The following THSD7B variants were observed in gnomAD, a reference collection of about 807,000 sequenced individuals.
THSD7B encodes thrombospondin type-1 domain-containing protein 7B.
In THSD7B, 138 loss-of-function variants were observed where a neutral mutation model predicts 213.6. That is an observed-to-expected ratio of 0.65 (90% CI 0.56 to 0.74). The LOEUF is 0.74. Ranked by LOEUF, THSD7B falls within the 30% of genes least tolerant of loss-of-function variation. The probability of loss-of-function intolerance (pLI) is 0.00; values close to 1 mark genes in which losing one functional copy is unlikely to be tolerated. For missense variants in THSD7B, 1,931 were observed against 1,991.5 expected (o/e 0.97, Z 0.58); for synonymous variants, 742 against 687.0 (o/e 1.08, Z -1.25).
At chr2:137,182,597 A>G (rs983684591) in intron 7 of THSD7B, among the ~76,000 whole-genome samples, 1 of 152,178 alleles carries the variant, frequency 6.6e-6, no homozygotes, top group Non-Finnish European at 1.5e-5. Flanking sequence ...GAGAATCCGT[A>G]GGAGTAACAC....
At chr2:136,780,467 G>A (rs369228098) in intron 1 of THSD7B, among the ~76,000 whole-genome samples, 11 of 152,270 alleles carry the variant, frequency 7.2e-5, no homozygotes, top group Middle Eastern at 3.4e-3. Flanking sequence ...CTCTGTGTGC[G>A]TGTGCATGTA....
At chr2:136,770,645 C>G (rs1681488004) in intron 1 of THSD7B, among the ~76,000 whole-genome samples, 1 of 152,186 alleles carries the variant, frequency 6.6e-6, no homozygotes, top group Non-Finnish European at 1.5e-5. Flanking sequence ...TTACCTAAGG[C>G]TGTTCTGATT....
chr2:136,858,572 C>T (rs1483867163), intron 1 of THSD7B, among the ~76,000 whole-genome samples: 8 of 152,192 alleles, frequency 5.3e-5, no homozygotes, highest in African/African-American at 1.4e-4. Context: ...ACAGTAGCTT[C>T]TGCCAATACC....
At chr2:137,233,176 T>C (rs1173704638) in intron 9 of THSD7B, 43 bp downstream of exon 9, 9 of 1,536,304 alleles carry the variant, frequency 5.9e-6, no homozygotes, top group African/African-American at 1.4e-5. Flanking sequence ...GCTTATTTCA[T>C]GTTGAGTATT....
At chr2:137,182,593 C>A (rs1680475830) in intron 7 of THSD7B, among the ~76,000 whole-genome samples, 1 of 152,144 alleles carries the variant, frequency 6.6e-6, no homozygotes, top group Admixed American at 6.6e-5. Flanking sequence ...GTATGAGAAT[C>A]CGTAGGAGTA....
chr2:137,160,170 G>A (rs1257776666), intron 5 of THSD7B, 43 bp from the exon 6 acceptor site: 6 of 1,581,798 alleles, frequency 3.8e-6, no homozygotes, highest in Non-Finnish European at 5.2e-6. Flanking sequence ...TGCTAAGGAT[G>A]TCCAGAGAAT....
chr2:137,427,560 C>T (rs931535653), intron 14 of THSD7B, among the ~76,000 whole-genome samples: 3 of 151,862 alleles, frequency 2.0e-5, no homozygotes, highest in Admixed American at 6.6e-5. Context: ...TGAACCTTGA[C>T]GTTAGGCTAA....
intron 12 of THSD7B, among the ~76,000 whole-genome samples, chr2:137,362,996 C>T (rs1273371104): frequency 1.3e-5 from 2 of 152,200 alleles, no homozygotes; most frequent in African/African-American, 4.8e-5. Context: ...GTAAAGCACT[C>T]CTCAGCAAAT....
intron 1 of THSD7B, among the ~76,000 whole-genome samples, chr2:136,828,730 T>C (rs889018347): frequency 6.6e-6 from 1 of 152,242 alleles, no homozygotes; most frequent in Non-Finnish European, 1.5e-5. Context: ...GCAATATTCT[T>C]GCCTCGTTTG....
At chr2:137,428,001 TA>T (rs1205594217) in intron 14 of THSD7B, among the ~76,000 whole-genome samples, 1 of 152,072 alleles carries the variant, frequency 6.6e-6, no homozygotes, top group African/African-American at 2.4e-5. Flanking sequence ...CTGAAAAAAA[TA>T]ATGTATAAGG....
intron 15 of THSD7B, among the ~76,000 whole-genome samples, chr2:137,515,714 T>G (rs1225011254): frequency 1.3e-5 from 2 of 151,302 alleles, no homozygotes; most frequent in Admixed American, 1.3e-4. Flanking sequence ...AAAAAGTTTC[T>G]AATAATTTAT....
intron 2 of THSD7B, among the ~76,000 whole-genome samples, chr2:136,955,491 A>T (rs1685109072): frequency 1.3e-5 from 2 of 152,226 alleles, no homozygotes; most frequent in Non-Finnish European, 2.9e-5. Context: ...TCTGAGAGTA[A>T]CAGATATGCC....
chr2:137,128,665 C>T (rs915698236), intron 5 of THSD7B, among the ~76,000 whole-genome samples: 6 of 152,164 alleles, frequency 3.9e-5, no homozygotes, highest in South Asian at 2.1e-4. Context: ...GCCTAGGGCC[C>T]GTGCCTTAAA....
intron 12 of THSD7B, among the ~76,000 whole-genome samples, chr2:137,291,410 C>G (rs555416478): frequency 3.4e-4 from 51 of 152,140 alleles, no homozygotes; most frequent in Admixed American, 1.2e-3. Context: ...CCCCAGTGCC[C>G]CAAATAGTCA....
chr2:137,441,183 G>A (rs1687402101), intron 14 of THSD7B, among the ~76,000 whole-genome samples: 1 of 152,080 alleles, frequency 6.6e-6, no homozygotes, highest in Non-Finnish European at 1.5e-5. Flanking sequence ...TAAGGGCAAA[G>A]CATTTGCCAC....
At chr2:136,912,819 G>A (rs150002847) in intron 2 of THSD7B, among the ~76,000 whole-genome samples, 142 of 152,312 alleles carry the variant, frequency 9.3e-4, no homozygotes, top group African/African-American at 3.3e-3. Context: ...ATGTGGAACA[G>A]TAAGTCCAAT....
At chr2:137,361,082 C>T (rs1685246261) in intron 12 of THSD7B, among the ~76,000 whole-genome samples, 1 of 152,182 alleles carries the variant, frequency 6.6e-6, no homozygotes, top group Non-Finnish European at 1.5e-5. Flanking sequence ...GATACCCAGG[C>T]ACACAGGGTC....
intron 7 of THSD7B, among the ~76,000 whole-genome samples, chr2:137,179,390 C>G (rs1680413143): frequency 6.6e-6 from 1 of 152,076 alleles, no homozygotes; most frequent in East Asian, 1.9e-4. Context: ...TTACTCTTGA[C>G]ACATTTACCA....
At chr2:136,969,183 AC>A (rs1685367660) in intron 2 of THSD7B, among the ~76,000 whole-genome samples, 1 of 151,858 alleles carries the variant, frequency 6.6e-6, no homozygotes. Flanking sequence ...GCTCTTTTTG[AC>A]CTCTTTGTCT....
Sources: gnomAD v4.1 joint callset for allele counts (sites outside exome capture counted in the v4.1 genomes callset) on GRCh38, gnomAD v4.1.1 for gene constraint, MANE v1.5 for transcripts, NCBI Gene and HGNC (gene_info 2026-07-23, HGNC 2026-07-21) for gene names.